VWC2: variants seen among roughly 807,000 people sequenced by gnomAD.
VWC2 encodes von Willebrand factor C domain containing 2.
A neutral mutation model predicts 29.8 loss-of-function variants in VWC2; 14 were observed. That is an observed-to-expected ratio of 0.47 (90% CI 0.31 to 0.74). The LOEUF is 0.74. Among genes scored for constraint, VWC2 ranks in the 30% least tolerant of loss-of-function variants. The pLI is 0.05. For synonymous variants in VWC2, 213 were observed against 199.0 expected (o/e 1.07, Z -0.59); for missense variants, 457 against 459.8 (o/e 0.99, Z 0.05).
At chr7:49,908,909 A>G (rs1473888916) in intron 3 of VWC2, among the ~76,000 whole-genome samples, 1 of 152,248 alleles carries the variant, frequency 6.6e-6, no homozygotes, top group Non-Finnish European at 1.5e-5. Flanking sequence ...TTTATATTCT[A>G]CAGTAAAATG....
intron 3 of VWC2, among the ~76,000 whole-genome samples, chr7:49,838,495 C>T (rs185119599): frequency 2.3e-3 from 348 of 151,786 alleles, no homozygotes; most frequent in Non-Finnish European, 2.4e-3. Context: ...GGATGGGAGC[C>T]GGGAGGCTGC....
At chr7:49,820,697 G>A (rs1489503766) in intron 3 of VWC2, among the ~76,000 whole-genome samples, 1 of 152,198 alleles carries the variant, frequency 6.6e-6, no homozygotes, top group Non-Finnish European at 1.5e-5. Context: ...GGAATGCAGA[G>A]AGTAAAGTGT....
At position 49,906,910 on chromosome 7, in the gene VWC2, T is replaced by C. The variant is rs147158847; in HGVS notation, c.827-5124T>C. The stretch of plus-strand genomic sequence containing the variant: ...TCAATTCCAGCAATTTTTATATCTC[T>C]TTCTTGCCTGAAGCAGATGATAAAA... On this transcript the variant is annotated intron_variant, in intron 3 of 3. Transcript: ENST00000340652. 3.3e-3 allele frequency among the ~76,000 whole-genome samples: 507 copies of C among 152,336 alleles called. 1 individual carries two copies. The highest frequency in any genetic ancestry group is 0.011 in the African/African-American group (469 of 41,574).
intron 3 of VWC2, among the ~76,000 whole-genome samples, chr7:49,828,705 G>A (rs1789459822): frequency 6.6e-6 from 1 of 152,030 alleles, no homozygotes; most frequent in Non-Finnish European, 1.5e-5. Flanking sequence ...GCTGCTAGAC[G>A]GACGGCCTCT....
chr7:49,826,957 C>G (rs902914992), intron 3 of VWC2, among the ~76,000 whole-genome samples: 2 of 151,884 alleles, frequency 1.3e-5, no homozygotes, highest in African/African-American at 4.8e-5. Context: ...AAATTTTTAT[C>G]TTTAGCATGT....
intron 3 of VWC2, among the ~76,000 whole-genome samples, chr7:49,883,274 C>T (rs996069290): frequency 3.3e-5 from 5 of 151,898 alleles, no homozygotes; most frequent in Admixed American, 6.6e-5. Context: ...CCAGAATAGG[C>T]GAATCCAGGG....
intron 3 of VWC2, among the ~76,000 whole-genome samples, chr7:49,905,234 T>C (rs1208789619): frequency 6.6e-6 from 1 of 152,140 alleles, no homozygotes; most frequent in Non-Finnish European, 1.5e-5. Context: ...TTCTATGATG[T>C]ATTAGGAAAA....
rs1389401314 is a variant in VWC2, at chr7:49,918,420, T to A, written c.*6235T>A. The stretch of plus-strand genomic sequence containing the variant: ...GCAACACTGATCCCTAATTCTAGAA[T>A]ATCAATCTTGATACTTGTCAAAGTA... On this transcript the variant is annotated 3_prime_UTR_variant, in exon 4 of 4. Coordinates refer to ENST00000340652, the MANE Select transcript of VWC2 (RefSeq NM_198570.5). 6.6e-6 allele frequency: 1 copy of A among 152,204 alleles called. No homozygotes were observed. The highest frequency in any genetic ancestry group is 2.1e-4 in the South Asian group (1 of 4,832). The allele number at this position is 152,204 out of a possible 1,614,324, so 9.4% of individuals were successfully genotyped here.
intron 3 of VWC2, among the ~76,000 whole-genome samples, chr7:49,807,970 A>G (rs1035733264): frequency 1.5e-4 from 23 of 152,150 alleles, no homozygotes; most frequent in Admixed American, 6.5e-4. Context: ...GTGTACATCA[A>G]TTACCATTTT....
intron 3 of VWC2, among the ~76,000 whole-genome samples, chr7:49,888,664 A>G (rs1792001234): frequency 6.6e-6 from 1 of 152,092 alleles, no homozygotes; most frequent in African/African-American, 2.4e-5. Flanking sequence ...TAATCCCAGC[A>G]CTTTGGGAGG....
intron 3 of VWC2, among the ~76,000 whole-genome samples, chr7:49,839,728 A>G (rs1347880128): frequency 6.6e-6 from 1 of 152,210 alleles, no homozygotes; most frequent in Non-Finnish European, 1.5e-5. Context: ...ATATTTGAAA[A>G]TGGCCAGAGA....
chr7:49,896,830 A>G (rs1326389930), intron 3 of VWC2, among the ~76,000 whole-genome samples: 1 of 151,920 alleles, frequency 6.6e-6, no homozygotes, highest in Non-Finnish European at 1.5e-5. Context: ...ACCTCAATTC[A>G]TTCAATATGA....
chr7:49,861,227 A>G (rs1790639144), intron 3 of VWC2, among the ~76,000 whole-genome samples: 3 of 152,010 alleles, frequency 2.0e-5, no homozygotes, highest in Non-Finnish European at 2.9e-5. Flanking sequence ...ATGGAATCCT[A>G]TTGTGGTTTG....
chr7:49,812,257 A>G (rs1360265667), intron 3 of VWC2, among the ~76,000 whole-genome samples: 3 of 152,236 alleles, frequency 2.0e-5, no homozygotes, highest in African/African-American at 7.2e-5. Context: ...TAAATTCACT[A>G]AAATTCATTA....
intron 2 of VWC2, among the ~76,000 whole-genome samples, chr7:49,784,794 C>A (rs996328462): frequency 2.6e-5 from 4 of 152,104 alleles, no homozygotes. Flanking sequence ...GGTATCTGAT[C>A]TAAACAAACA....
At chr7:49,892,190 G>A (rs1435198801) in intron 3 of VWC2, among the ~76,000 whole-genome samples, 2 of 151,038 alleles carry the variant, frequency 1.3e-5, no homozygotes, top group African/African-American at 4.9e-5. Context: ...GACTACAGGC[G>A]CCCACCATCA....
rs555800138 is a variant in VWC2 at position 49,825,208 on chromosome 7, A to G, written c.826+22368A>G. Reference sequence around the variant, plus strand: ...CTAGAAATTCCATAAAATCATTTTTATAGTTTTCATTTCTTCATGTTGATT... The same window carrying G: ...CTAGAAATTCCATAAAATCATTTTTGTAGTTTTCATTTCTTCATGTTGATT... On this transcript the variant is annotated intron_variant, in intron 3 of 3. Transcript: ENST00000340652. 5.3e-5 allele frequency among the ~76,000 whole-genome samples: 8 copies of G among 152,242 alleles called. No homozygotes were observed. The East Asian group carries it at 1.2e-3, about 22-fold the overall frequency.
intron 3 of VWC2, among the ~76,000 whole-genome samples, chr7:49,897,485 G>C (rs925576077): frequency 6.6e-6 from 1 of 152,174 alleles, no homozygotes; most frequent in Non-Finnish European, 1.5e-5. Context: ...AGTTGGCTTA[G>C]TACTCAAACA....
intron 3 of VWC2, among the ~76,000 whole-genome samples, chr7:49,819,088 C>T (rs907410634): frequency 2.6e-5 from 4 of 152,178 alleles, no homozygotes; most frequent in Admixed American, 1.3e-4. Flanking sequence ...CCTTGGCATC[C>T]AACAGCTTCC....
Sources: gnomAD v4.1 joint callset for allele counts (sites outside exome capture counted in the v4.1 genomes callset) on GRCh38, gnomAD v4.1.1 for gene constraint, MANE v1.5 for transcripts, NCBI Gene and HGNC (gene_info 2026-07-23, HGNC 2026-07-21) for gene names.